ZFHX3: variants seen among roughly 807,000 people sequenced by gnomAD.
The protein encoded by ZFHX3 is zinc finger homeobox protein 3.
Under a neutral mutation model 279.1 loss-of-function variants are expected in ZFHX3, and 42 were observed. The observed-to-expected ratio is 0.15, with a 90% confidence interval of 0.12 to 0.19. ZFHX3 has a LOEUF of 0.19. ZFHX3 is among the 10% of genes least tolerant of loss of function. The pLI is 1.00. For synonymous variants in ZFHX3, 2,293 were observed against 1,957.8 expected (o/e 1.17, Z -4.52); for missense variants, 4,981 against 4,754.0 (o/e 1.05, Z -1.40).
intron 1 of ZFHX3, among the ~76,000 whole-genome samples, chr16:73,883,041 A>G (rs1316202182): frequency 2.0e-5 from 3 of 151,656 alleles, no homozygotes; most frequent in African/African-American, 7.3e-5. Context: ...AAAAAAAAAA[A>G]TAGTCTTTCA....
chr16:73,372,536 A>G (rs886837691), intron 3 of ZFHX3, among the ~76,000 whole-genome samples: 3 of 152,256 alleles, frequency 2.0e-5, no homozygotes, highest in Admixed American at 6.5e-5. Context: ...GAATTTAGTC[A>G]AAGTTAATTC....
chr16:73,479,843 G>T (rs571047581), intron 2 of ZFHX3, among the ~76,000 whole-genome samples: 1 of 152,298 alleles, frequency 6.6e-6, no homozygotes, highest in East Asian at 1.9e-4. Flanking sequence ...ATAGGATCAG[G>T]TCCATTATCC....
chr16:72,944,573 T>C (rs1208024877), intron 3 of ZFHX3, among the ~76,000 whole-genome samples: 3 of 124,926 alleles, frequency 2.4e-5, no homozygotes, highest in South Asian at 6.7e-4. Flanking sequence ...AAAATTCCTA[T>C]GTTACATGCA....
rs1328241298 is a variant in ZFHX3 at position 73,478,340 on chromosome 16, T to A, written c.-1546-22082A>T. Among the ~76,000 whole-genome samples, 4 of 151,634 alleles carry A rather than the reference T, an allele frequency of 2.6e-5. No individual in the cohort carries two copies. The South Asian group carries it at 6.2e-4, about 24-fold the overall frequency. On this transcript the variant is annotated intron_variant, in intron 2 of 17. Transcript: ENST00000641206. ...CATGCCTGAACAGGGACTTGAACCC[T>A]GGACCCTCAGATTAAAAGTCTGATG...
At chr16:73,287,976 G>T (rs2014672578) in intron 4 of ZFHX3, among the ~76,000 whole-genome samples, 1 of 152,102 alleles carries the variant, frequency 6.6e-6, no homozygotes, top group African/African-American at 2.4e-5. Flanking sequence ...AAGCCTTCTT[G>T]CTGTCCCCTC....
chr16:72,814,534 G>C (rs2036549878), intron 5 of ZFHX3, among the ~76,000 whole-genome samples: 1 of 151,902 alleles, frequency 6.6e-6, no homozygotes, highest in Non-Finnish European at 1.5e-5. Context: ...ATGATGAATT[G>C]TGGTGAGGTT....
intron 3 of ZFHX3, among the ~76,000 whole-genome samples, chr16:73,434,098 T>A (rs1264564690): frequency 2.6e-5 from 4 of 152,300 alleles, no homozygotes; most frequent in Admixed American, 2.6e-4. Context: ...CAACTGTCAA[T>A]AAACCGCCCA....
rs761370986 is a variant in ZFHX3 at position 72,958,373 on chromosome 16, A to C, written c.1773T>G (p.Ala591=). 1.9e-6 allele frequency: 3 copies of C among 1,614,136 alleles called. No homozygotes were observed. The highest frequency in any genetic ancestry group is 2.5e-6 in the Non-Finnish European group (3 of 1,180,004). Residue 591 remains alanine (A), a synonymous_variant, in exon 2 of 10, where the codon GCT becomes GCG. Transcript: ENST00000268489. ...CATTGTCTTTATTGGCACTTTCGTC[A>C]GCGAAGTCCAGCCTCCTGCCGCCCT... ...VAEGGRRLDF[A]DESANKDNAT...
intron 1 of ZFHX3, among the ~76,000 whole-genome samples, chr16:73,791,840 T>C (rs1959834060): frequency 1.3e-5 from 2 of 152,206 alleles, no homozygotes; most frequent in Non-Finnish European, 2.9e-5. Context: ...TAAATGAGTG[T>C]TATAGTATGC....
intron 8 of ZFHX3, among the ~76,000 whole-genome samples, chr16:73,083,757 T>C (rs936023951): frequency 1.3e-5 from 2 of 152,176 alleles, no homozygotes; most frequent in African/African-American, 4.8e-5. Flanking sequence ...CTCAAACTCC[T>C]GGGCTCAAGC....
chr16:73,519,629 G>A (rs577606634), intron 2 of ZFHX3, among the ~76,000 whole-genome samples: 52 of 152,252 alleles, frequency 3.4e-4, no homozygotes, highest in Admixed American at 8.5e-4. Context: ...CATGCCACCT[G>A]TCTTGTCTTT....
At chr16:73,653,006 C>T (rs1164576571) in intron 2 of ZFHX3, among the ~76,000 whole-genome samples, 1 of 151,782 alleles carries the variant, frequency 6.6e-6, no homozygotes, top group African/African-American at 2.4e-5. Context: ...AATAAAGATA[C>T]AAAATATTGA....
At chr16:73,231,662 T>C (rs2012776903) in intron 5 of ZFHX3, among the ~76,000 whole-genome samples, 2 of 152,216 alleles carry the variant, frequency 1.3e-5, no homozygotes, top group South Asian at 2.1e-4. Flanking sequence ...ATCTCTACTT[T>C]GCTTGTCTAA....
At chr16:73,019,337 T>C (rs1488565725) in intron 1 of ZFHX3, among the ~76,000 whole-genome samples, 2 of 124,046 alleles carry the variant, frequency 1.6e-5, no homozygotes, top group East Asian at 2.0e-4. Context: ...CGTGTGTGTG[T>C]CTGTGCGTGT....
chr16:73,746,457 A>T (rs1277918803), intron 1 of ZFHX3, among the ~76,000 whole-genome samples: 1 of 152,190 alleles, frequency 6.6e-6, no homozygotes, highest in Non-Finnish European at 1.5e-5. Flanking sequence ...GAAATACAGC[A>T]CCTTCATAGT....
chr16:72,805,493 AGAG>A (rs1289610226), intron 7 of ZFHX3, among the ~76,000 whole-genome samples: 1 of 152,320 alleles, frequency 6.6e-6, no homozygotes. Context: ...TCAGACAAAA[AGAG>A]GAGAGACCTC....
chr16:73,283,529 TG>T (rs1260679952), intron 4 of ZFHX3, among the ~76,000 whole-genome samples: 3 of 152,106 alleles, frequency 2.0e-5, no homozygotes, highest in Non-Finnish European at 4.4e-5. Context: ...TATCAACTAA[TG>T]GGGGACCCAG....
chr16:73,124,398 A>G (rs1327444228), intron 7 of ZFHX3, among the ~76,000 whole-genome samples: 5 of 152,144 alleles, frequency 3.3e-5, no homozygotes, highest in Non-Finnish European at 5.9e-5. Context: ...TTCATTCATG[A>G]GAGCTCCACC....
At position 72,793,020 on chromosome 16, in the gene ZFHX3, A is replaced by T. The variant is rs1035934225; in HGVS notation, c.9427+235T>A. Reference sequence around the variant, plus strand: ...CAGGACCCTCAAGTTTTTCCCTATTATAGGGGATAAGAGTGGTTTCAAAGG... The same window carrying T: ...CAGGACCCTCAAGTTTTTCCCTATTTTAGGGGATAAGAGTGGTTTCAAAGG... On this transcript the variant is annotated intron_variant, in intron 9 of 9. Transcript: ENST00000268489. This position sits in a 1 kb window ranked among gnomAD's most constrained non-coding sequence, Gnocchi z 4.3. Among the ~76,000 whole-genome samples the T allele has an allele frequency of 6.6e-6, 1 of 152,190 alleles. No homozygotes were observed. Among genetic ancestry groups the T allele is most frequent in the Admixed American group, 6.5e-5 (1 of 15,282 alleles).
Sources: allele counts gnomAD v4.1 joint callset (sites outside exome capture counted in the v4.1 genomes callset), GRCh38; gene constraint gnomAD v4.1.1; non-coding constraint Gnocchi (gnomAD v3.1); transcripts MANE v1.5; gene names NCBI Gene and HGNC (gene_info 2026-07-23, HGNC 2026-07-21).